KIAA0040: variants seen among roughly 807,000 people sequenced by gnomAD.
The protein encoded by KIAA0040 is uncharacterized protein KIAA0040.
A neutral mutation model predicts 7.2 loss-of-function variants in KIAA0040; 10 were observed. The ratio of observed to expected loss-of-function variants is 1.38; its 90% CI spans 0.85 to 2.34. KIAA0040 has a LOEUF of 2.34. Ranked by LOEUF, KIAA0040 falls within the 30% of genes most tolerant of loss-of-function variation. KIAA0040 has a pLI of 0.00. For synonymous variants in KIAA0040, 49 were observed against 40.1 expected, an observed-to-expected ratio of 1.22 and a Z score of -0.84; for missense variants, 89 against 108.2, an observed-to-expected ratio of 0.82 and a Z score of 0.79.
At chr1:175,189,388 G>C (rs1031139789) in intron 1 of KIAA0040, among the ~76,000 whole-genome samples, 4 of 152,202 alleles carry the variant, frequency 2.6e-5, no homozygotes, top group Admixed American at 2.6e-4. Flanking sequence ...CAAGTGGGGT[G>C]GGTCTAAGGC....
intron 1 of KIAA0040, among the ~76,000 whole-genome samples, chr1:175,188,853 G>A (rs1477219383): frequency 6.6e-6 from 1 of 152,174 alleles, no homozygotes; most frequent in Non-Finnish European, 1.5e-5. Flanking sequence ...TGGAACTTGA[G>A]GTACAATTTT....
chr1:175,171,921 G>C (rs1558393859), intron 2 of KIAA0040, among the ~76,000 whole-genome samples: 1 of 152,102 alleles, frequency 6.6e-6, no homozygotes, highest in Non-Finnish European at 1.5e-5. Context: ...ATATGGGGGA[G>C]GTAAAAGACA....
Position 175,158,751 on chromosome 1 carries a change from C to T in KIAA0040, c.*1963G>A, listed in dbSNP as rs1209150754. 1 of 152,114 alleles carries T rather than the reference C, an allele frequency of 6.6e-6. No individual in the cohort carries two copies. Among genetic ancestry groups the T allele is most frequent in the Non-Finnish European group, 1.5e-5 (1 of 68,022 alleles). The allele number at this position is 152,114 out of a possible 1,614,324, so 9.4% of individuals were successfully genotyped here. On this transcript the variant is annotated 3_prime_UTR_variant, in exon 4 of 4. Transcript: ENST00000423313. ...TCAAAGGGGTTGATGAGTGGGAGGC[C>T]TGAGTGCTTAGGCAGTTTATGGCCA...
At chr1:175,181,947 A>G (rs1571211718) in intron 1 of KIAA0040, among the ~76,000 whole-genome samples, 1 of 152,290 alleles carries the variant, frequency 6.6e-6, no homozygotes, top group Non-Finnish European at 1.5e-5. Context: ...TTCAACACTA[A>G]AACAGCTTGC....
At chr1:175,189,577 T>A (rs541878680) in intron 1 of KIAA0040, among the ~76,000 whole-genome samples, 1 of 152,346 alleles carries the variant, frequency 6.6e-6, no homozygotes, top group East Asian at 1.9e-4. Context: ...AGGAGACTTA[T>A]CATTACTGCC....
intron 1 of KIAA0040, among the ~76,000 whole-genome samples, chr1:175,189,519 A>C (rs1443444266): frequency 6.6e-6 from 1 of 152,214 alleles, no homozygotes; most frequent in African/African-American, 2.4e-5. Flanking sequence ...ATTTTAGCTA[A>C]GGAGGACAAA....
At chr1:175,163,455 C>T (rs1166145197) in intron 3 of KIAA0040, among the ~76,000 whole-genome samples, 2 of 152,226 alleles carry the variant, frequency 1.3e-5, no homozygotes, top group Non-Finnish European at 1.5e-5. Flanking sequence ...CAAGGCTCTG[C>T]TCAAGCCCCT....
chr1:175,175,211 G>T (rs1335397122), intron 2 of KIAA0040, among the ~76,000 whole-genome samples: 1 of 152,186 alleles, frequency 6.6e-6, no homozygotes, highest in Non-Finnish European at 1.5e-5. Context: ...GTCATTCAGG[G>T]TCTCCCACAC....
At chr1:175,192,350 A>C (rs1048958930) in intron 1 of KIAA0040, among the ~76,000 whole-genome samples, 5 of 152,158 alleles carry the variant, frequency 3.3e-5, no homozygotes, top group Non-Finnish European at 7.3e-5. Flanking sequence ...TCCCCTTCAA[A>C]GCGCTCCTAC....
intron 1 of KIAA0040, among the ~76,000 whole-genome samples, chr1:175,185,369 T>G (rs1677618012): frequency 6.6e-6 from 1 of 152,240 alleles, no homozygotes; most frequent in Admixed American, 6.5e-5. Context: ...ATGTTGCTGT[T>G]GTTAGCTGTT....
upstream of KIAA0040, chr1:175,192,812 G>C (rs1207573538): frequency 3.7e-5 from 4 of 108,248 alleles, no homozygotes; most frequent in Admixed American, 1.7e-4. Context: ...AAGGTCGTGG[G>C]AGCCGCCCGC....
chr1:175,162,872 C>T (rs1275802730), intron 3 of KIAA0040, among the ~76,000 whole-genome samples: 2 of 152,172 alleles, frequency 1.3e-5, no homozygotes, highest in African/African-American at 4.8e-5. Context: ...CCTTTTGGTC[C>T]ATGGAGCCCA....
At chr1:175,166,240 C>T (rs4344281) in intron 3 of KIAA0040, among the ~76,000 whole-genome samples, 86,446 of 152,032 alleles carry the variant, frequency 0.57, 25,013 homozygotes, top group East Asian at 0.86. Flanking sequence ...ACCTTGGGTG[C>T]GCTGATCACT....
intron 2 of KIAA0040, chr1:175,176,493 A>G (rs1370459620): frequency 6.6e-6 from 1 of 152,162 alleles, no homozygotes; most frequent in Non-Finnish European, 1.5e-5. Flanking sequence ...AGGAGTTCAT[A>G]TGTCTGAGGA....
At chr1:175,188,948 T>C (rs564500441) in intron 1 of KIAA0040, among the ~76,000 whole-genome samples, 4 of 152,294 alleles carry the variant, frequency 2.6e-5, no homozygotes, top group Non-Finnish European at 5.9e-5. Flanking sequence ...CTGGATAGTA[T>C]TGGGTATTCC....
At position 175,183,260 on chromosome 1, in the gene KIAA0040, C is replaced by T. The variant is rs188510296; in HGVS notation, c.-383-5576G>A. 9.0e-4 allele frequency among the ~76,000 whole-genome samples: 137 copies of T among 152,326 alleles called. 2 individuals are homozygous for T. Among genetic ancestry groups the T allele is most frequent in the African/African-American group, 3.3e-3 (136 of 41,560 alleles). On this transcript the variant is annotated intron_variant, in intron 1 of 3. Transcript: ENST00000423313. ...TTACAGAGCTTTCTCCTCTGGGTATCCCCAGGGTCTGGTTCAGTGCTGGCA... is the reference window on the plus strand; with the variant it reads ...TTACAGAGCTTTCTCCTCTGGGTATTCCCAGGGTCTGGTTCAGTGCTGGCA...
chr1:175,170,139 C>T (rs13373754), intron 2 of KIAA0040, among the ~76,000 whole-genome samples: 10 of 152,006 alleles, frequency 6.6e-5, no homozygotes, highest in African/African-American at 2.4e-4. Context: ...GCAGGACCTC[C>T]GGTAGCAGCA....
At chr1:175,189,745 G>A (rs1280269238) in intron 1 of KIAA0040, among the ~76,000 whole-genome samples, 3 of 152,290 alleles carry the variant, frequency 2.0e-5, no homozygotes, top group African/African-American at 4.8e-5. Flanking sequence ...TACAATTTAT[G>A]TAGCACATTA....
chr1:175,162,539 T>C (rs1240768885), intron 3 of KIAA0040, among the ~76,000 whole-genome samples: 2 of 152,204 alleles, frequency 1.3e-5, no homozygotes, highest in East Asian at 3.9e-4. Context: ...ATCATTTTCA[T>C]CTGCATTTAA....
Sources: allele counts gnomAD v4.1 joint callset (sites outside exome capture counted in the v4.1 genomes callset), GRCh38; gene constraint gnomAD v4.1.1; transcripts MANE v1.5; gene names NCBI Gene and HGNC (gene_info 2026-07-23, HGNC 2026-07-21).